CALCR: variants seen among roughly 807,000 people sequenced by gnomAD.
CALCR encodes the protein calcitonin receptor.
In CALCR, 47 loss-of-function variants were observed where a neutral mutation model predicts 59.5. The ratio of observed to expected loss-of-function variants is 0.79; its 90% CI spans 0.63 to 1.01. CALCR has a LOEUF of 1.01. Among genes scored for constraint, CALCR ranks in the 50% least tolerant of loss-of-function variants. The pLI is 0.00. For missense variants in CALCR, 566 were observed against 597.1 expected (o/e 0.95, Z 0.54); for synonymous variants, 213 against 211.3 (o/e 1.01, Z -0.07).
In CALCR at chr7:93,519,180, G is replaced by GT. The variant is rs538959293; in HGVS notation, c.-26-32174dup. ...CTCGTACATACTAATGTTTTCTCCT[G>GT]TTTTTTCTGTTGTGTGAATTTAAAT... On this transcript the variant is annotated intron_variant, in intron 2 of 13. Transcript: ENST00000426151. Among the ~76,000 whole-genome samples the GT allele has an allele frequency of 6.1e-4, 93 of 151,910 alleles. 1 individual carries two copies. Among genetic ancestry groups the GT allele is most frequent in the Non-Finnish European group, 1.0e-3 (69 of 67,898 alleles).
chr7:93,450,753 T>A (rs896133788), intron 8 of CALCR, among the ~76,000 whole-genome samples: 1 of 151,986 alleles, frequency 6.6e-6, no homozygotes, highest in Non-Finnish European at 1.5e-5. Context: ...GTAGTTGTTA[T>A]CTGTGAGAGG....
chr7:93,436,159 G>C lies in CALCR; in HGVS notation c.942C>G (p.Phe314Leu), dbSNP rs1799773787. 6.2e-7 allele frequency: 1 copy of C among 1,613,940 alleles called. No individual in the cohort carries two copies. The highest frequency in any genetic ancestry group is 2.2e-5 in the East Asian group (1 of 44,876). ...GCACCCGGACAATGTTGAGCAAAAA[G>C]AAGAAATTGACCTGCAAATATACGG... ...PVMAALVVNFFFLLNIVRVLV... is the reference protein window; with the variant it reads ...PVMAALVVNFLFLLNIVRVLV... Residue 314 changes from phenylalanine to leucine, a missense_variant, in exon 12 of 14, where the codon TTC becomes TTG. Phe to Leu is a conservative substitution (Grantham distance 22). Transcript: ENST00000426151.
At chr7:93,524,708 CA>C (rs1801840865) in intron 2 of CALCR, among the ~76,000 whole-genome samples, 1 of 152,090 alleles carries the variant, frequency 6.6e-6, no homozygotes, top group South Asian at 2.1e-4. Context: ...AAATAATGTA[CA>C]TATGTGTATA....
In CALCR at chr7:93,458,098, T is replaced by A. The variant is rs183774664; in HGVS notation, c.648+2723A>T. On this transcript the variant is annotated intron_variant, in intron 8 of 13. Coordinates refer to ENST00000426151, the MANE Select transcript of CALCR (RefSeq NM_001742.4). ...CATTAAAAAGGAAAATTCATCAAGA[T>A]AAACACACTTGGTCCCATTATTCTG... Among the ~76,000 whole-genome samples the A allele has an allele frequency of 3.7e-4, 56 of 152,304 alleles. No homozygotes were observed. In the East Asian group the frequency reaches 0.011, roughly 29 times the overall value.
chr7:93,468,801 T>G lies in CALCR; in HGVS notation c.435A>C (p.Ala145=). ...CAATAGCCAAATAGTACAGAACATA[T>G]GCATTCTGGAACAACAAAAAGTAAA... ...NAFTPEKLKN[A]YVLYYLAIVG... The change falls in exon 7 of 14, where the codon GCA becomes GCC. Residue 145 remains alanine, a synonymous_variant. Coordinates refer to ENST00000426151, the MANE Select transcript of CALCR (RefSeq NM_001742.4). The G allele has an allele frequency of 6.5e-7, 1 of 1,549,054 alleles. No individual in the cohort carries two copies. Among genetic ancestry groups the G allele is most frequent in the Non-Finnish European group, 8.8e-7 (1 of 1,130,650 alleles).
At chr7:93,525,540 T>C (rs1156521275) in intron 2 of CALCR, among the ~76,000 whole-genome samples, 1 of 152,190 alleles carries the variant, frequency 6.6e-6, no homozygotes, top group African/African-American at 2.4e-5. Flanking sequence ...AAAGGGGCCT[T>C]GAACTCAATT....
In CALCR at chr7:93,548,839, A is replaced by AGTGTGTGTGTGTGTGT. The variant is rs754317267; in HGVS notation, c.-27+25434_-27+25449dup. Among the ~76,000 whole-genome samples, 50 of 137,438 alleles carry AGTGTGTGTGTGTGTGT rather than the reference A, an allele frequency of 3.6e-4. No homozygotes were observed. In the East Asian group the frequency reaches 0.01, roughly 28 times the overall value. The allele number at this position is 137,438 out of a possible 152,430, so 90.2% of individuals were successfully genotyped here. A position where few individuals can be genotyped will look rare whatever the true frequency, so the allele number is the denominator to read the frequency against. On this transcript the variant is annotated intron_variant, in intron 2 of 13. Transcript: ENST00000426151. ...AATTGCAATAATTCAATCCAGAAGA[A>AGTGTGTGTGTGTGTGT]GTGTGTGTGTGTGTGTGTGTGTGTG...
intron 5 of CALCR, among the ~76,000 whole-genome samples, chr7:93,474,202 T>C (rs990615376): frequency 6.6e-6 from 1 of 151,650 alleles, no homozygotes; most frequent in Non-Finnish European, 1.5e-5. Flanking sequence ...GGAAATCACA[T>C]CAATATATAT....
intron 5 of CALCR, among the ~76,000 whole-genome samples, chr7:93,472,765 T>G (rs982399920): frequency 6.7e-6 from 1 of 149,404 alleles, no homozygotes; most frequent in East Asian, 1.9e-4. Context: ...AGCTTGAGAT[T>G]GAACCAGGAT....
At chr7:93,463,422 TTAATA>T (rs143085503) in intron 7 of CALCR, among the ~76,000 whole-genome samples, 1 of 152,118 alleles carries the variant, frequency 6.6e-6, no homozygotes, top group African/African-American at 2.4e-5. Flanking sequence ...TTTGAAAGTT[TTAATA>T]TAATTTTTGC....
chr7:93,491,835 T>C (rs1408666334), intron 2 of CALCR, among the ~76,000 whole-genome samples: 2 of 151,624 alleles, frequency 1.3e-5, no homozygotes, highest in African/African-American at 2.4e-5. Context: ...TTGTAGAAGA[T>C]AGTATGGCAA....
intron 2 of CALCR, among the ~76,000 whole-genome samples, chr7:93,546,251 C>T (rs934150667): frequency 1.3e-5 from 2 of 152,112 alleles, no homozygotes; most frequent in Non-Finnish European, 2.9e-5. Context: ...ACCTGTTGTC[C>T]TGATATAATT....
At chr7:93,548,309 C>T (rs780614895) in intron 2 of CALCR, among the ~76,000 whole-genome samples, 2 of 152,108 alleles carry the variant, frequency 1.3e-5, no homozygotes, top group Non-Finnish European at 2.9e-5. Flanking sequence ...GTTGGCAAAG[C>T]GAATGACTCT....
At chr7:93,573,226 C>A (rs1002583990) in intron 2 of CALCR, among the ~76,000 whole-genome samples, 1 of 152,196 alleles carries the variant, frequency 6.6e-6, no homozygotes, top group African/African-American at 2.4e-5. Flanking sequence ...AGCATTCCTA[C>A]TTTGTCCTTA....
chr7:93,542,296 T>C (rs1789165151), intron 2 of CALCR, among the ~76,000 whole-genome samples: 1 of 152,208 alleles, frequency 6.6e-6, no homozygotes, highest in Admixed American at 6.5e-5. Flanking sequence ...CTGTAATGGG[T>C]ACTGTAGACA....
In CALCR at chr7:93,510,159, GGGT is replaced by G. The variant is rs1471272212; in HGVS notation, c.-26-23155_-26-23153del. The stretch of plus-strand genomic sequence containing the variant: ...AAAGCAGAACTCAGAGTAGAGTGGT[GGGT>G]ACTCGATAATTACTTACATTGATTA... On this transcript the variant is annotated intron_variant, in intron 2 of 13. Coordinates refer to ENST00000426151, the MANE Select transcript of CALCR (RefSeq NM_001742.4). Among the ~76,000 whole-genome samples the G allele has an allele frequency of 5.1e-4, 78 of 152,132 alleles. 2 individuals carry two copies. The South Asian group carries it at 0.016, about 31-fold the overall frequency.
intron 2 of CALCR, among the ~76,000 whole-genome samples, chr7:93,511,567 C>T (rs1801546682): frequency 6.6e-6 from 1 of 151,746 alleles, no homozygotes; most frequent in African/African-American, 2.4e-5. Flanking sequence ...AAAAAAATTA[C>T]TAGATATGTG....
At position 93,574,509 on chromosome 7, in the gene CALCR, A is replaced by G. The variant is rs1206433123; in HGVS notation, c.-244-3T>C. The G allele has an allele frequency of 6.6e-6, 1 of 152,124 alleles. No individual in the cohort carries two copies. Among genetic ancestry groups the G allele is most frequent in the Non-Finnish European group, 1.5e-5 (1 of 68,074 alleles). 9.4% of individuals were successfully genotyped at this position (152,124 alleles called of 1,614,324 possible). Reference sequence around the variant, plus strand: ...CAGACGCTGGTGGGCTGGCTTTCCTAGTTTGATGCGAGAGCAAACTGCGTT... The same window carrying G: ...CAGACGCTGGTGGGCTGGCTTTCCTGGTTTGATGCGAGAGCAAACTGCGTT... On this transcript the variant is annotated splice_region_variant and splice_polypyrimidine_tract_variant and intron_variant, in intron 1 of 13. Transcript: ENST00000426151.
intron 2 of CALCR, among the ~76,000 whole-genome samples, chr7:93,513,406 C>T (rs78639874): frequency 7.8e-4 from 119 of 152,166 alleles, no homozygotes; most frequent in Non-Finnish European, 1.3e-3. Context: ...AGTATAGAAC[C>T]ACTGCTTTCT....
Sources: allele counts gnomAD v4.1 joint callset (sites outside exome capture counted in the v4.1 genomes callset), GRCh38; gene constraint gnomAD v4.1.1; transcripts MANE v1.5; gene names NCBI Gene and HGNC (gene_info 2026-07-23, HGNC 2026-07-21).